The following REV3L variants were observed in gnomAD, a reference collection of about 807,000 sequenced individuals.
The protein encoded by REV3L is DNA polymerase zeta catalytic subunit.
Under a neutral mutation model 299.4 loss-of-function variants are expected in REV3L, and 69 were observed. The ratio of observed to expected loss-of-function variants is 0.23; its 90% CI spans 0.19 to 0.28. The LOEUF (loss-of-function observed/expected upper bound fraction) is 0.28. REV3L is among the 10% of genes least tolerant of loss of function. The probability of loss-of-function intolerance (pLI) is 1.00; values close to 1 mark genes in which losing one functional copy is unlikely to be tolerated. For synonymous variants in REV3L, 1,238 were observed against 1,271.4 expected (o/e 0.97, Z 0.56); for missense variants, 3,128 against 3,693.8 (o/e 0.85, Z 3.97).
At chr6:111,366,427 C>A (rs1046001328) in intron 14 of REV3L, among the ~76,000 whole-genome samples, 1 of 151,930 alleles carries the variant, frequency 6.6e-6, no homozygotes, top group East Asian at 1.9e-4. Context: ...GGCTTAAGAC[C>A]AAGCCTTAAT....
chr6:111,376,797 CT>C (rs760639262), intron 12 of REV3L, 40 bp from the exon 13 acceptor site: 4 of 1,452,642 alleles, frequency 2.8e-6, no homozygotes, highest in East Asian at 2.4e-5. Context: ...TCATTTTACT[CT>C]TTTAATTTTT....
chr6:111,440,504 A>C (rs559901579), intron 1 of REV3L, among the ~76,000 whole-genome samples: 2 of 151,866 alleles, frequency 1.3e-5, no homozygotes, highest in South Asian at 4.2e-4. Context: ...TTCCTGGTCC[A>C]AAACTGCAAT....
At chr6:111,371,046 C>T (rs1374407122) in intron 13 of REV3L, among the ~76,000 whole-genome samples, 1 of 151,836 alleles carries the variant, frequency 6.6e-6, no homozygotes, top group Non-Finnish European at 1.5e-5. Context: ...TCCTCTGCTG[C>T]TTTTCCTATC....
At chr6:111,377,972 C>T in intron 11 of REV3L, 129 bp from the exon 12 acceptor site, 1 of 701,160 alleles carries the variant, frequency 1.4e-6, no homozygotes, top group African/African-American at 1.8e-5. Context: ...CTAAGTTACT[C>T]TATAGTAAAA....
chr6:111,307,304 TATC>T, intron 31 of REV3L, 54 bp downstream of exon 31: 1 of 1,438,358 alleles, frequency 7.0e-7, no homozygotes, highest in Non-Finnish European at 9.8e-7. Context: ...AGAGTGACTA[TATC>T]TTCCTGTAAG....
rs757752287 is a variant in REV3L, at chr6:111,429,228, G to A, written c.140-12756C>T. ...GGAATCATGCTATGTTGACCATGCTGGTTTTGAACTCCTGGACTCAAGCAA... is the reference window on the plus strand; with the variant it reads ...GGAATCATGCTATGTTGACCATGCTAGTTTTGAACTCCTGGACTCAAGCAA... On this transcript the variant is annotated intron_variant, in intron 1 of 31. Coordinates refer to ENST00000368802, the MANE Select transcript of REV3L (RefSeq NM_001372078.1). 4.4e-4 allele frequency among the ~76,000 whole-genome samples: 67 copies of A among 152,092 alleles called. 2 individuals are homozygous for A. Among genetic ancestry groups the A allele is most frequent in the Non-Finnish European group, 2.1e-4 (14 of 68,020 alleles).
chr6:111,363,956 G>T lies in REV3L; in HGVS notation c.6776C>A (p.Thr2259Asn). 3 of 1,611,706 alleles carry T rather than the reference G, an allele frequency of 1.9e-6. No homozygotes were observed. Among genetic ancestry groups the T allele is most frequent in the Non-Finnish European group, 2.5e-6 (3 of 1,179,158 alleles). The change falls in exon 16 of 32, where the codon ACC (threonine) becomes AAC (asparagine). Residue 2259 changes from threonine to asparagine, a missense_variant. Physicochemically the swap from Thr to Asn is moderately conservative, Grantham distance 65. This residue lies in a region of REV3L where 2,409 missense variants were observed against 2,611.8 expected (regional missense o/e 0.92). Coordinates refer to ENST00000368802, the MANE Select transcript of REV3L (RefSeq NM_001372078.1). Reference protein sequence around the residue: ...QAKNQFAAVNTPQKETSQIDG... With the variant: ...QAKNQFAAVNNPQKETSQIDG... ...AATCTGAGAAGTTTCTTTCTGTGGG[G>T]TATTTACTGCTGCAAATTGATTCTA...
At chr6:111,428,783 C>A (rs1157956190) in intron 1 of REV3L, among the ~76,000 whole-genome samples, 1 of 151,958 alleles carries the variant, frequency 6.6e-6, no homozygotes, top group Non-Finnish European at 1.5e-5. Flanking sequence ...AGAGTGAGGG[C>A]TCTTGTTAAG....
rs754896627 is a variant in REV3L at position 111,367,199 on chromosome 6, G to C, written c.6589C>G (p.Leu2197Val). 2 of 1,613,968 alleles carry C rather than the reference G, an allele frequency of 1.2e-6. No individual in the cohort carries two copies. The highest frequency in any genetic ancestry group is 2.2e-5 in the South Asian group (2 of 91,036). ...ATGATTGGTGTACTATGAAAGCAAA[G>C]TGATTCACATTTCCCAGTTCTTGCC... ...TRARTGKCES[L>V]CFHSTPIIQR... Residue 2197 changes from leucine (L) to valine (V), a missense_variant, in exon 14 of 32, where the codon CTT becomes GTT. Physicochemically the swap from Leu to Val is conservative, Grantham distance 32. Around this residue, in one of 9 missense-constraint regions of REV3L, gnomAD observed 2,409 missense variants for 2,611.8 expected, o/e 0.92. Transcript: ENST00000368802.
chr6:111,325,143 GA>G (rs372640831), intron 25 of REV3L, among the ~76,000 whole-genome samples: 21 of 152,202 alleles, frequency 1.4e-4, no homozygotes, highest in African/African-American at 4.8e-4. Context: ...TTACAGGCGT[GA>G]GCCACTGCAC....
chr6:111,413,348 T>A (rs1401600090), intron 2 of REV3L, among the ~76,000 whole-genome samples: 1 of 152,070 alleles, frequency 6.6e-6, no homozygotes, highest in Admixed American at 6.6e-5. Context: ...AAAAATTATA[T>A]CTCGTAATTA....
chr6:111,318,598 T>A (rs1202633050), intron 26 of REV3L, among the ~76,000 whole-genome samples: 10 of 151,744 alleles, frequency 6.6e-5, no homozygotes, highest in Non-Finnish European at 1.5e-5. Context: ...TGAGATGGAG[T>A]TTTGCTCTTG....
In REV3L at chr6:111,316,595, G is replaced by A. The variant is rs186221907; in HGVS notation, c.8352-1214C>T. Reference sequence around the variant, plus strand: ...GTGGGAGAATCGCTTGAACCCAGGAGGCAGAGGTTACAGTGAGCTGAGATT... The same window carrying A: ...GTGGGAGAATCGCTTGAACCCAGGAAGCAGAGGTTACAGTGAGCTGAGATT... On this transcript the variant is annotated intron_variant, in intron 26 of 31. Transcript: ENST00000368802. Among the ~76,000 whole-genome samples, 211 of 151,930 alleles carry A rather than the reference G, an allele frequency of 1.4e-3. 2 individuals carry two copies. The South Asian group carries it at 0.028, about 20-fold the overall frequency.
intron 30 of REV3L, among the ~76,000 whole-genome samples, chr6:111,308,503 C>T (rs1772594275): frequency 6.6e-6 from 1 of 152,158 alleles, no homozygotes; most frequent in Admixed American, 6.5e-5. Context: ...TGTATGGGTA[C>T]TTGAACTACG....
At chr6:111,461,657 G>A (rs1217199794) in intron 1 of REV3L, among the ~76,000 whole-genome samples, 1 of 151,772 alleles carries the variant, frequency 6.6e-6, no homozygotes, top group Non-Finnish European at 1.5e-5. Context: ...AGAAATGGGA[G>A]TATAGAACTA....
intron 2 of REV3L, among the ~76,000 whole-genome samples, chr6:111,413,124 A>G (rs1035803070): frequency 6.6e-6 from 1 of 152,170 alleles, no homozygotes. Flanking sequence ...GACATATTAC[A>G]TAAATGATAT....
chr6:111,341,163 C>T (rs994999321), intron 21 of REV3L, among the ~76,000 whole-genome samples: 10 of 151,506 alleles, frequency 6.6e-5, no homozygotes, highest in Non-Finnish European at 1.0e-4. Flanking sequence ...TTTCATGCCT[C>T]AGCCTCCCGA....
At position 111,367,826 on chromosome 6, in the gene REV3L, C is replaced by T; in HGVS notation, c.5962G>A (p.Glu1988Lys). The T allele has an allele frequency of 6.2e-7, 1 of 1,614,094 alleles. No individual in the cohort carries two copies. The highest frequency in any genetic ancestry group is 2.2e-5 in the East Asian group (1 of 44,876). Residue 1988 changes from glutamate to lysine, a missense_variant, in exon 14 of 32, where the codon GAA (glutamate) becomes AAA (lysine). Physicochemically the swap from Glu to Lys is moderately conservative, Grantham distance 56. Around this residue, in one of 9 missense-constraint regions of REV3L, gnomAD observed 2,409 missense variants for 2,611.8 expected, o/e 0.92. Transcript: ENST00000368802. ...GGCATAATCACAATTTTTTTATCTT[C>T]AACCATCTTAGGGCTATTACTTGAC... ...KGSSNSPKMV[E>K]DKKIVIMPCK...
intron 1 of REV3L, among the ~76,000 whole-genome samples, chr6:111,470,172 TCTCA>T (rs1205457387): frequency 1.1e-5 from 1 of 90,538 alleles, no homozygotes; most frequent in Non-Finnish European, 2.1e-5. Flanking sequence ...GTTTACTATC[TCTCA>T]CACACACACA....
Sources: gnomAD v4.1 joint callset for allele counts (sites outside exome capture counted in the v4.1 genomes callset) on GRCh38, gnomAD v4.1.1 for gene constraint, gnomAD v4.1.1 regional missense constraint, MANE v1.5 for transcripts, NCBI Gene and HGNC (gene_info 2026-07-23, HGNC 2026-07-21) for gene names.